FREM1: variants seen among roughly 807,000 people sequenced by gnomAD.
The protein encoded by FREM1 is FRAS1 related extracellular matrix 1, also known as FRAS1-related extracellular matrix protein 1.
In FREM1, 220 loss-of-function variants were observed where a neutral mutation model predicts 210.1. That is an observed-to-expected ratio of 1.05 (90% CI 0.94 to 1.17). The LOEUF (loss-of-function observed/expected upper bound fraction) is 1.17. FREM1 is among the 50% of genes most tolerant of loss of function. The probability of loss-of-function intolerance (pLI) is 0.00; values close to 1 mark genes in which losing one functional copy is unlikely to be tolerated. For synonymous variants in FREM1, 1,189 were observed against 980.2 expected, an observed-to-expected ratio of 1.21 and a Z score of -3.98; for missense variants, 3,454 against 2,675.5, an observed-to-expected ratio of 1.29 and a Z score of -6.42.
intron 2 of FREM1, among the ~76,000 whole-genome samples, chr9:14,864,898 G>C (rs567950663): frequency 6.6e-6 from 1 of 152,294 alleles, no homozygotes; most frequent in South Asian, 2.1e-4. Flanking sequence ...CTAGGAAGGA[G>C]ATAAAGCAAA....
In FREM1 at chr9:14,778,695, G is replaced by GAAGGGAAGGC. The variant is rs1456558460; in HGVS notation, c.4443-2493_4443-2492insGCCTTCCCTT. ...GGGAGGGGAGGGAGGGAAGGGAAGGGAAGGGAAGGGAAGGGAAGGGAAGGG... is the reference window on the plus strand; with the variant it reads ...GGGAGGGGAGGGAGGGAAGGGAAGGGAAGGGAAGGCAAGGGAAGGGAAGGGAAGGGAAGGG... On this transcript the variant is annotated intron_variant, in intron 24 of 36. Transcript: ENST00000380880. 4.5e-4 allele frequency among the ~76,000 whole-genome samples: 21 copies of GAAGGGAAGGC among 46,514 alleles called. 1 individual carries two copies. Among genetic ancestry groups the GAAGGGAAGGC allele is most frequent in the African/African-American group, 1.3e-3 (20 of 15,320 alleles). The allele number at this position is 46,514 out of a possible 152,430, so 30.5% of individuals were successfully genotyped here.
chr9:14,770,664 T>G lies in FREM1; in HGVS notation c.5000A>C (p.Gln1667Pro). Residue 1667 changes from glutamine to proline, a missense_variant, in exon 26 of 37, where the codon CAG (glutamine) becomes CCG (proline). Transcript: ENST00000380880. ...KASDPDTEDD[Q>P]IIFKILQGPK... ...GCCTTGTAGAATTTTAAAGATGATC[T>G]GATCGTCCTCAGTGTCAGGGTCTGA... is the stretch of plus-strand genomic sequence containing the variant. 6.2e-7 allele frequency: 1 copy of G among 1,613,592 alleles called. No individual in the cohort carries two copies. Among genetic ancestry groups the G allele is most frequent in the Non-Finnish European group, 8.5e-7 (1 of 1,179,598 alleles).
In FREM1 at chr9:14,861,260, CACATATACACATATAT is replaced by C. The variant is rs1391116332; in HGVS notation, c.330-1792_330-1777del. 7.4e-3 allele frequency among the ~76,000 whole-genome samples: 632 copies of C among 85,288 alleles called. 163 individuals carry two copies. The highest frequency in any genetic ancestry group is 0.048 in the African/African-American group (533 of 11,020). 56.0% of individuals were successfully genotyped at this position (85,288 alleles called of 152,430 possible). A position where few individuals can be genotyped will look rare whatever the true frequency, so the allele number is the denominator to read the frequency against. On this transcript the variant is annotated intron_variant, in intron 3 of 36. Transcript: ENST00000380880. ...ATATACACACATATATACATATATA[CACATATACACATATAT>C]ACATATATACATATATACATATATA...
rs1554687424 is a variant in FREM1, at chr9:14,828,643, C to CGGGG, written c.1882-3655_1882-3652dup. Among the ~76,000 whole-genome samples, 65 of 53,964 alleles carry CGGGG rather than the reference C, an allele frequency of 1.2e-3. 1 individual carries two copies. Among genetic ancestry groups the CGGGG allele is most frequent in the South Asian group, 2.1e-3 (3 of 1,418 alleles). 35.4% of individuals were successfully genotyped at this position (53,964 alleles called of 152,430 possible). On this transcript the variant is annotated intron_variant, in intron 10 of 36. Transcript: ENST00000380880. The stretch of plus-strand genomic sequence containing the variant: ...GAGAAGAACATAAATTGTGGCGGGG[C>CGGGG]GGGGGAGGTGCCGGGGTAGAATGTT...
intron 1 of FREM1, among the ~76,000 whole-genome samples, chr9:14,904,938 C>T (rs1817435289): frequency 6.6e-6 from 1 of 152,166 alleles, no homozygotes; most frequent in African/African-American, 2.4e-5. Context: ...ATGCCCTTCC[C>T]CACTGCCATC....
chr9:14,860,781 A>G (rs1400736036), intron 3 of FREM1, among the ~76,000 whole-genome samples: 1 of 63,474 alleles, frequency 1.6e-5, no homozygotes, highest in Non-Finnish European at 2.9e-5. Context: ...ACACATATAT[A>G]CATATATACA....
At chr9:14,749,471 T>C (rs982414150) in intron 30 of FREM1, among the ~76,000 whole-genome samples, 1 of 152,080 alleles carries the variant, frequency 6.6e-6, no homozygotes, top group South Asian at 2.1e-4. Flanking sequence ...GAGTGTAAGA[T>C]TGAGTATGGT....
chr9:14,791,833 T>C (rs1189234673), intron 22 of FREM1, among the ~76,000 whole-genome samples: 1 of 150,690 alleles, frequency 6.6e-6, no homozygotes, highest in Non-Finnish European at 1.5e-5. Context: ...TGTTTTGTTT[T>C]GTTTTGTTTT....
rs571895012 is a variant in FREM1 at position 14,737,520 on chromosome 9, C to G, written c.6416G>C (p.Arg2139Thr). 5 of 1,612,590 alleles carry G rather than the reference C, an allele frequency of 3.1e-6. No individual in the cohort carries two copies. In the South Asian group the frequency reaches 5.5e-5, roughly 18 times the overall value. ...AAGCTTGGAGCGTTGAGAGGGCCCTCTTCTCCCATTGGTGAAGGCAACAGG... is the reference window on the plus strand; with the variant it reads ...AAGCTTGGAGCGTTGAGAGGGCCCTGTTCTCCCATTGGTGAAGGCAACAGG... Reference protein sequence around the residue: ...GEPVAFTNGRRGPSQRSKLGK... With the variant: ...GEPVAFTNGRTGPSQRSKLGK... Residue 2139 changes from arginine to threonine, a missense_variant, in exon 37 of 37, where the codon AGA becomes ACA. Physicochemically the swap from Arg to Thr is moderately conservative, Grantham distance 71. Transcript: ENST00000380880.
intron 4 of FREM1, among the ~76,000 whole-genome samples, chr9:14,858,257 C>G (rs1001470545): frequency 6.6e-6 from 1 of 152,212 alleles, no homozygotes; most frequent in African/African-American, 2.4e-5. Flanking sequence ...CCTGAACCAA[C>G]ATGCTCTTTC....
intron 35 of FREM1, 81 bp downstream of exon 35, chr9:14,746,272 G>T: frequency 9.7e-7 from 1 of 1,029,094 alleles, no homozygotes; most frequent in Non-Finnish European, 1.5e-6. Flanking sequence ...TTGAATGAAT[G>T]AAGCAGCTCT....
At chr9:14,788,381 T>C (rs886828184) in intron 23 of FREM1, among the ~76,000 whole-genome samples, 1 of 152,236 alleles carries the variant, frequency 6.6e-6, no homozygotes, top group African/African-American at 2.4e-5. Context: ...GTTGATCTTA[T>C]AGTGTCTTTC....
chr9:14,754,943 A>G, intron 29 of FREM1, among the ~76,000 whole-genome samples: 1 of 152,114 alleles, frequency 6.6e-6, no homozygotes. Context: ...CAAAAAAGAA[A>G]AAAGGGGCAG....
At position 14,740,123 on chromosome 9, in the gene FREM1, G is replaced by C. The variant is rs748921387; in HGVS notation, c.6340+26C>G. The C allele has an allele frequency of 2.0e-6, 3 of 1,535,296 alleles. No homozygotes were observed. In the Admixed American group the frequency reaches 5.0e-5, roughly 26 times the overall value. Reference sequence around the variant, plus strand: ...TTTCATGTCCTTGCCTCCCTCCTCAGTGCAGCCTCCCTCCCAGATACTTGC... The same window carrying C: ...TTTCATGTCCTTGCCTCCCTCCTCACTGCAGCCTCCCTCCCAGATACTTGC... On this transcript the variant is annotated intron_variant, in intron 36 of 36. Coordinates refer to ENST00000380880, the MANE Select transcript of FREM1 (RefSeq NM_001379081.2).
intron 14 of FREM1, among the ~76,000 whole-genome samples, chr9:14,818,510 G>A (rs1052651161): frequency 1.3e-5 from 2 of 152,166 alleles, no homozygotes; most frequent in Non-Finnish European, 2.9e-5. Flanking sequence ...TTTATAGCTT[G>A]AATTTACAGG....
At chr9:14,851,010 T>G (rs1588363348) in intron 6 of FREM1, among the ~76,000 whole-genome samples, 1 of 152,248 alleles carries the variant, frequency 6.6e-6, no homozygotes, top group East Asian at 1.9e-4. Flanking sequence ...CACACTTGTA[T>G]CCTTGCAGGG....
chr9:14,847,134 A>G (rs886841042), intron 7 of FREM1, among the ~76,000 whole-genome samples: 1 of 152,142 alleles, frequency 6.6e-6, no homozygotes, highest in Non-Finnish European at 1.5e-5. Flanking sequence ...ATAACTGACC[A>G]TTAATAGATT....
intron 25 of FREM1, among the ~76,000 whole-genome samples, chr9:14,772,769 G>C (rs992877831): frequency 7.2e-5 from 11 of 152,198 alleles, no homozygotes; most frequent in African/African-American, 2.4e-4. Context: ...CAGTAAGAGA[G>C]ATGGTTAGTG....
intron 27 of FREM1, among the ~76,000 whole-genome samples, chr9:14,767,316 C>T (rs1846612364): frequency 6.6e-6 from 1 of 152,080 alleles, no homozygotes; most frequent in African/African-American, 2.4e-5. Context: ...GCTTGGGTGG[C>T]CAATGTCTGA....
Sources: gnomAD v4.1 joint callset for allele counts (sites outside exome capture counted in the v4.1 genomes callset) on GRCh38, gnomAD v4.1.1 for gene constraint, MANE v1.5 for transcripts, NCBI Gene and HGNC (gene_info 2026-07-23, HGNC 2026-07-21) for gene names.